Variants in KCNK5 observed in about 807,000 individuals in gnomAD.
KCNK5 encodes potassium two pore domain channel subfamily K member 5.
A neutral mutation model predicts 32.9 loss-of-function variants in KCNK5; 18 were observed. That is an observed-to-expected ratio of 0.55 (90% CI 0.38 to 0.81). KCNK5 has a LOEUF of 0.81. Ranked by LOEUF, KCNK5 falls within the 30% of genes least tolerant of loss-of-function variation. The probability of loss-of-function intolerance (pLI) is 0.00; values close to 1 mark genes in which losing one functional copy is unlikely to be tolerated. For missense variants in KCNK5, 507 were observed against 651.0 expected, an observed-to-expected ratio of 0.78 and a Z score of 2.41; for synonymous variants, 276 against 275.3, an observed-to-expected ratio of 1.00 and a Z score of -0.03.
At chr6:39,199,768 G>T (rs1192115509) in intron 1 of KCNK5, among the ~76,000 whole-genome samples, 1 of 152,192 alleles carries the variant, frequency 6.6e-6, no homozygotes, top group Non-Finnish European at 1.5e-5. Flanking sequence ...AATCAGCTCA[G>T]CTCCACCCAA....
At chr6:39,217,118 C>CAAAAAAAAAAAAAAAA (rs57204833) in intron 1 of KCNK5, among the ~76,000 whole-genome samples, 27 of 74,432 alleles carry the variant, frequency 3.6e-4, no homozygotes, top group South Asian at 4.9e-4. Flanking sequence ...AAAACTCCAT[C>CAAAAAAAAAAAAAAAA]AAAAAAAAAA....
At position 39,229,022 on chromosome 6, in the gene KCNK5, G is replaced by C. The variant is rs201697540; in HGVS notation, c.90C>G (p.His30Gln). Residue 30 changes from histidine to glutamine, a missense_variant, in exon 1 of 5, where the codon CAC becomes CAG. Physicochemically the swap from His to Gln is conservative, Grantham distance 24 (BLOSUM62 0). Around this residue, in one of 6 missense-constraint regions of KCNK5, gnomAD observed 143 missense variants for 219.1 expected, o/e 0.65. Transcript: ENST00000359534. Reference protein sequence around the residue: ...AAIFEVLEEPHWKEAKKNYYT... With the variant: ...AAIFEVLEEPQWKEAKKNYYT... ...AGTAGTTTTTCTTGGCCTCCTTCCAGTGTGGCTCCTCCAGCACTTCGAAGA... is the reference window on the plus strand; with the variant it reads ...AGTAGTTTTTCTTGGCCTCCTTCCACTGTGGCTCCTCCAGCACTTCGAAGA... 1 of 1,614,026 alleles carries C rather than the reference G, an allele frequency of 6.2e-7. No individual in the cohort carries two copies. Among genetic ancestry groups the C allele is most frequent in the Non-Finnish European group, 8.5e-7 (1 of 1,180,022 alleles).
At chr6:39,225,370 G>A (rs566885768) in intron 1 of KCNK5, among the ~76,000 whole-genome samples, 14 of 152,296 alleles carry the variant, frequency 9.2e-5, no homozygotes, top group African/African-American at 3.4e-4. Flanking sequence ...CATTTATGAG[G>A]TGGCCTGCAA....
At chr6:39,223,949 C>T (rs570861786) in intron 1 of KCNK5, among the ~76,000 whole-genome samples, 1 of 152,300 alleles carries the variant, frequency 6.6e-6, no homozygotes, top group South Asian at 2.1e-4. Context: ...CTAATTTCTA[C>T]CCTCAATAAT....
chr6:39,202,801 A>G (rs780443033), intron 1 of KCNK5, among the ~76,000 whole-genome samples: 9 of 152,084 alleles, frequency 5.9e-5, no homozygotes, highest in Non-Finnish European at 1.3e-4. Flanking sequence ...CCACAGGGCC[A>G]TCTTCCAAAT....
At chr6:39,218,365 A>C (rs1406105303) in intron 1 of KCNK5, among the ~76,000 whole-genome samples, 1 of 152,114 alleles carries the variant, frequency 6.6e-6, no homozygotes, top group Non-Finnish European at 1.5e-5. Flanking sequence ...CACCACGCCC[A>C]GCCTATGGGC....
rs536432181 is a variant in KCNK5, at chr6:39,189,281, G to A, written c.*1609C>T. ...AGGCAGAGAGTGAACGGAGCTGAGC[G>A]GCTCTGATGACTTGCTTCCTGCCCG... On this transcript the variant is annotated 3_prime_UTR_variant, in exon 5 of 5. Transcript: ENST00000359534. 6.6e-6 allele frequency: 1 copy of A among 152,330 alleles called. No homozygotes were observed. Among genetic ancestry groups the A allele is most frequent in the East Asian group, 1.9e-4 (1 of 5,168 alleles). The allele number at this position is 152,330 out of a possible 1,614,324, so 9.4% of individuals were successfully genotyped here. A position where few individuals can be genotyped will look rare whatever the true frequency, so the allele number is the denominator to read the frequency against.
At chr6:39,208,311 G>A (rs958357953) in intron 1 of KCNK5, among the ~76,000 whole-genome samples, 1 of 152,106 alleles carries the variant, frequency 6.6e-6, no homozygotes, top group African/African-American at 2.4e-5. Flanking sequence ...TATGAAGTAA[G>A]CTCCCTGCCT....
At chr6:39,214,799 C>T (rs1467528036) in intron 1 of KCNK5, among the ~76,000 whole-genome samples, 1 of 152,058 alleles carries the variant, frequency 6.6e-6, no homozygotes, top group Non-Finnish European at 1.5e-5. Flanking sequence ...CCTAAACAGC[C>T]CAAGCCTACA....
At chr6:39,225,140 C>T (rs1251519613) in intron 1 of KCNK5, among the ~76,000 whole-genome samples, 1 of 152,156 alleles carries the variant, frequency 6.6e-6, no homozygotes, top group Non-Finnish European at 1.5e-5. Flanking sequence ...CACCCACTGT[C>T]TTGTTCCCAG....
At chr6:39,218,637 A>T (rs1771484680) in intron 1 of KCNK5, among the ~76,000 whole-genome samples, 1 of 152,206 alleles carries the variant, frequency 6.6e-6, no homozygotes, top group South Asian at 2.1e-4. Flanking sequence ...TGGTAAGGGC[A>T]GGTTGGGATG....
At chr6:39,203,560 A>G (rs1314661781) in intron 1 of KCNK5, among the ~76,000 whole-genome samples, 1 of 152,200 alleles carries the variant, frequency 6.6e-6, no homozygotes, top group Non-Finnish European at 1.5e-5. Flanking sequence ...GGCAGCCGCC[A>G]GTACCTCCCC....
rs370173155 is a variant in KCNK5, at chr6:39,194,553, G to A, written c.465+41C>T. On this transcript the variant is annotated intron_variant, in intron 3 of 4. Coordinates refer to ENST00000359534, the MANE Select transcript of KCNK5 (RefSeq NM_003740.4). The surrounding 1 kb of genome is among the most constrained non-coding windows in gnomAD (Gnocchi z 4.7). Reference sequence around the variant, plus strand: ...TCCTGTCCTCCCCTCACCTGTCATGGTTCCCCCATCTCTGCCCAACACCCA... The same window carrying A: ...TCCTGTCCTCCCCTCACCTGTCATGATTCCCCCATCTCTGCCCAACACCCA... 1.1e-5 allele frequency: 18 copies of A among 1,605,398 alleles called. No individual in the cohort carries two copies. Among genetic ancestry groups the A allele is most frequent in the Non-Finnish European group, 1.5e-5 (18 of 1,173,676 alleles).
At chr6:39,205,495 G>C (rs1033711487) in intron 1 of KCNK5, among the ~76,000 whole-genome samples, 1 of 152,164 alleles carries the variant, frequency 6.6e-6, no homozygotes, top group Non-Finnish European at 1.5e-5. Context: ...CACAACCACT[G>C]CCCTGCCCAG....
chr6:39,201,216 C>T (rs989576536), intron 1 of KCNK5, among the ~76,000 whole-genome samples: 3 of 151,992 alleles, frequency 2.0e-5, no homozygotes, highest in African/African-American at 7.2e-5. Flanking sequence ...GGCCAACCCT[C>T]CTTTACCATT....
intron 1 of KCNK5, among the ~76,000 whole-genome samples, chr6:39,202,015 C>T (rs915913240): frequency 6.6e-6 from 1 of 152,090 alleles, no homozygotes; most frequent in Admixed American, 6.5e-5. Flanking sequence ...GCAAGTGAAA[C>T]GGCCTACCAG....
At chr6:39,196,675 G>A (rs1265369285) in intron 1 of KCNK5, among the ~76,000 whole-genome samples, 1 of 152,220 alleles carries the variant, frequency 6.6e-6, no homozygotes, top group Non-Finnish European at 1.5e-5. Context: ...TCTCCCCTGT[G>A]GGATCTCACT....
At chr6:39,214,517 C>T (rs1771395526) in intron 1 of KCNK5, among the ~76,000 whole-genome samples, 1 of 152,168 alleles carries the variant, frequency 6.6e-6, no homozygotes, top group South Asian at 2.1e-4. Flanking sequence ...TTGGTGCTGC[C>T]TCTGGGCTTG....
At position 39,189,650 on chromosome 6, in the gene KCNK5, T is replaced by C. The variant is rs1445984580; in HGVS notation, c.*1240A>G. 1 of 152,700 alleles carries C rather than the reference T, an allele frequency of 6.5e-6. No homozygotes were observed. Among genetic ancestry groups the C allele is most frequent in the Non-Finnish European group, 1.5e-5 (1 of 68,058 alleles). The allele number at this position is 152,700 out of a possible 1,614,324, so 9.5% of individuals were successfully genotyped here. On this transcript the variant is annotated 3_prime_UTR_variant, in exon 5 of 5. Transcript: ENST00000359534. ...ACCCAAGAACTCTAGTAGCAGCAAGTTCTGCCCACCCCTCACCAGAGAGTC... is the reference window on the plus strand; with the variant it reads ...ACCCAAGAACTCTAGTAGCAGCAAGCTCTGCCCACCCCTCACCAGAGAGTC...
Sources: allele counts gnomAD v4.1 joint callset (sites outside exome capture counted in the v4.1 genomes callset), GRCh38; gene constraint gnomAD v4.1.1; regional missense constraint gnomAD v4.1.1; non-coding constraint Gnocchi (gnomAD v3.1); transcripts MANE v1.5; gene names NCBI Gene and HGNC (gene_info 2026-07-23, HGNC 2026-07-21).